ZC3HC1: variants seen among roughly 807,000 people sequenced by gnomAD.
ZC3HC1 encodes the protein zinc finger C3HC-type protein 1.
In ZC3HC1, 38 loss-of-function variants were observed where a neutral mutation model predicts 61.9. The observed-to-expected ratio is 0.61, with a 90% CI of 0.47 to 0.81. The LOEUF (loss-of-function observed/expected upper bound fraction) is 0.81. Ranked by LOEUF, ZC3HC1 falls within the 30% of genes least tolerant of loss-of-function variation. The probability of loss-of-function intolerance (pLI) is 0.00; values close to 1 mark genes in which losing one functional copy is unlikely to be tolerated. For synonymous variants in ZC3HC1, 213 were observed against 229.9 expected, an observed-to-expected ratio of 0.93 and a Z score of 0.67; for missense variants, 554 against 622.7, an observed-to-expected ratio of 0.89 and a Z score of 1.17.
rs1038975069 is a variant in ZC3HC1, at chr7:130,023,800, T to C, written c.1021-77A>G. 6 of 1,260,706 alleles carry C rather than the reference T, an allele frequency of 4.8e-6. No homozygotes were observed. Among genetic ancestry groups the C allele is most frequent in the Non-Finnish European group, 6.5e-6 (6 of 922,006 alleles). The allele number at this position is 1,260,706 out of a possible 1,614,324, so 78.1% of individuals were successfully genotyped here. A position where few individuals can be genotyped will look rare whatever the true frequency, so the allele number is the denominator to read the frequency against. On this transcript the variant is annotated intron_variant, in intron 7 of 9. Transcript: ENST00000358303. This position sits in a 1 kb window ranked among gnomAD's most constrained non-coding sequence, Gnocchi z 4.2. ...GTCAGAAATACTTCTTTCTTTAATC[T>C]TTTTTCTTTTTTTTTTTGAGACAGA...
intron 9 of ZC3HC1, among the ~76,000 whole-genome samples, chr7:130,019,973 C>T (rs998682417): frequency 7.3e-5 from 11 of 151,718 alleles, no homozygotes; most frequent in African/African-American, 2.2e-4. Flanking sequence ...TATGCCACCA[C>T]GCCCAGCTAA....
intron 4 of ZC3HC1, among the ~76,000 whole-genome samples, chr7:130,038,574 T>C (rs922904942): frequency 3.3e-5 from 5 of 152,112 alleles, no homozygotes; most frequent in Non-Finnish European, 5.9e-5. Context: ...TGAACTGGGT[T>C]ATGGCCGGGC....
At position 130,024,412 on chromosome 7, in the gene ZC3HC1, T is replaced by C. The variant is rs200223575; in HGVS notation, c.871A>G (p.Met291Val). The C allele has an allele frequency of 1.1e-4, 175 of 1,614,038 alleles. No individual in the cohort carries two copies. Among genetic ancestry groups the C allele is most frequent in the East Asian group, 4.5e-5 (2 of 44,890 alleles). The change falls in exon 7 of 10, where the codon ATG becomes GTG. Residue 291 changes from methionine to valine, a missense_variant. Physicochemically the swap from Met to Val is conservative, Grantham distance 21 (BLOSUM62 1). Transcript: ENST00000358303. The stretch of plus-strand genomic sequence containing the variant: ...CCAAAGGATGCATCCAGGTCAGTCA[T>C]GGACGATTCAATCTGCTGGAAGCCC... ...LWGFQQIESS[M>V]TDLDASFGLT...
At chr7:130,037,159 G>A (rs558152043) in intron 4 of ZC3HC1, among the ~76,000 whole-genome samples, 2 of 152,324 alleles carry the variant, frequency 1.3e-5, no homozygotes, top group East Asian at 1.9e-4. Context: ...AAACTTGGAC[G>A]GCCAGGCGCG....
At chr7:130,045,319 G>A (rs1453729904) in intron 2 of ZC3HC1, 1 of 228,656 alleles carries the variant, frequency 4.4e-6, no homozygotes, top group African/African-American at 2.3e-5. Context: ...AAATTACCAT[G>A]TAAGTCTTTC....
intron 6 of ZC3HC1, among the ~76,000 whole-genome samples, chr7:130,025,397 T>C (rs879272797): frequency 5.9e-5 from 9 of 151,450 alleles, no homozygotes; most frequent in Admixed American, 5.3e-4. Flanking sequence ...GGAATGGAAA[T>C]AGCAACATGG....
chr7:130,018,736 T>A lies in ZC3HC1; in HGVS notation c.1441-4A>T, dbSNP rs768616803. Reference sequence around the variant, plus strand: ...TCCTTGATTTCTCAGAGAGACTCTGTAGGTAGAAAAGCTTATTATTAGTGA... The same window carrying A: ...TCCTTGATTTCTCAGAGAGACTCTGAAGGTAGAAAAGCTTATTATTAGTGA... On this transcript the variant is annotated splice_region_variant and splice_polypyrimidine_tract_variant and intron_variant, in intron 9 of 9. Transcript: ENST00000358303. The A allele has an allele frequency of 6.2e-7, 1 of 1,611,258 alleles. No individual in the cohort carries two copies. Among genetic ancestry groups the A allele is most frequent in the African/African-American group, 1.3e-5 (1 of 74,904 alleles).
chr7:130,018,769 C>A (rs375811846), intron 9 of ZC3HC1, 37 bp from the exon 10 acceptor site: 35 of 1,550,046 alleles, frequency 2.3e-5, no homozygotes, highest in Non-Finnish European at 3.1e-5. Flanking sequence ...TGATTACGTT[C>A]TTTTATAGAG....
At chr7:130,044,205 A>G (rs1794785627) in intron 2 of ZC3HC1, among the ~76,000 whole-genome samples, 2 of 152,122 alleles carry the variant, frequency 1.3e-5, no homozygotes, top group South Asian at 4.1e-4. Flanking sequence ...ATGCATTTAT[A>G]TAGAGACAGG....
intron 9 of ZC3HC1, 99 bp from the exon 10 acceptor site, chr7:130,018,831 G>C (rs767181639): frequency 1.3e-5 from 14 of 1,070,022 alleles, no homozygotes; most frequent in Admixed American, 2.2e-5. Flanking sequence ...CTAGGACTAA[G>C]TAAAAATTCA....
intron 4 of ZC3HC1, among the ~76,000 whole-genome samples, chr7:130,029,965 A>G (rs1794102773): frequency 1.3e-5 from 2 of 152,220 alleles, no homozygotes. Flanking sequence ...TAGGAATTCT[A>G]CTGGTAATAC....
chr7:130,050,679 C>T (rs1795040600), intron 1 of ZC3HC1, among the ~76,000 whole-genome samples: 1 of 152,152 alleles, frequency 6.6e-6, no homozygotes, highest in African/African-American at 2.4e-5. Context: ...GGTTGCATGT[C>T]TTCAAATACC....
chr7:130,048,512 T>A (rs907506362), intron 2 of ZC3HC1, among the ~76,000 whole-genome samples: 1 of 152,118 alleles, frequency 6.6e-6, no homozygotes, highest in Non-Finnish European at 1.5e-5. Flanking sequence ...TGTTTTAAGA[T>A]CACTAAGTTT....
At chr7:130,022,578 A>G (rs181330691) in intron 8 of ZC3HC1, 53 bp from the exon 9 acceptor site, 13 of 1,581,354 alleles carry the variant, frequency 8.2e-6, no homozygotes, top group Non-Finnish European at 5.2e-6. Flanking sequence ...ATGTAAGTTC[A>G]GGGAGGCACT....
chr7:130,040,222 C>T (rs1232383914), intron 3 of ZC3HC1, among the ~76,000 whole-genome samples: 3 of 121,250 alleles, frequency 2.5e-5, no homozygotes, highest in East Asian at 2.9e-4. Flanking sequence ...AGGCCGGGCA[C>T]GGTGGCTCAC....
intron 4 of ZC3HC1, 76 bp downstream of exon 4, chr7:130,039,388 G>T: frequency 8.2e-7 from 1 of 1,223,276 alleles, no homozygotes; most frequent in Non-Finnish European, 1.2e-6. Flanking sequence ...CAAAGACTAG[G>T]TTTTCACAAA....
At chr7:130,028,142 C>T (rs563476866) in intron 5 of ZC3HC1, among the ~76,000 whole-genome samples, 14 of 110,418 alleles carry the variant, frequency 1.3e-4, no homozygotes, top group African/African-American at 4.3e-4. Context: ...TACAGCCTGG[C>T]GACAGAACAA....
At chr7:130,029,187 C>T (rs1794068711) in intron 4 of ZC3HC1, among the ~76,000 whole-genome samples, 158 bp from the exon 5 acceptor site, 1 of 151,936 alleles carries the variant, frequency 6.6e-6, no homozygotes, top group African/African-American at 2.4e-5. Context: ...CCTAGCCAAC[C>T]TAGAAACCCC....
intron 6 of ZC3HC1, among the ~76,000 whole-genome samples, chr7:130,025,870 CAAAAAA>C (rs71175064): frequency 3.2e-4 from 19 of 58,594 alleles, no homozygotes; most frequent in African/African-American, 1.1e-3. Context: ...GACTCCGTCT[CAAAAAA>C]AAAAAAAAAA....
Sources: gnomAD v4.1 joint callset for allele counts (sites outside exome capture counted in the v4.1 genomes callset) on GRCh38, gnomAD v4.1.1 for gene constraint, Gnocchi (gnomAD v3.1) non-coding constraint, MANE v1.5 for transcripts, NCBI Gene and HGNC (gene_info 2026-07-23, HGNC 2026-07-21) for gene names.